EFTUD2: variants seen among roughly 807,000 people sequenced by gnomAD.
EFTUD2 encodes elongation factor Tu GTP binding domain containing 2.
EFTUD2 carries 9 observed loss-of-function variants against 114.3 expected under a neutral mutation model. The observed-to-expected ratio is 0.08, with a 90% confidence interval of 0.05 to 0.14. The LOEUF (loss-of-function observed/expected upper bound fraction) is 0.14. Ranked by LOEUF, EFTUD2 falls within the 10% of genes least tolerant of loss-of-function variation. EFTUD2 has a pLI of 1.00. For missense variants in EFTUD2, 765 were observed against 1,241.2 expected (o/e 0.62, Z 5.76); for synonymous variants, 449 against 462.3 (o/e 0.97, Z 0.37).
chr17:44,850,133 C>T lies in EFTUD2; in HGVS notation c.*1141G>A, dbSNP rs947540602. ...ATACACAATACATGTGAAAGTGTTT[C>T]GTGAACTGTCAGATAAGTGGTTTCC... On this transcript the variant is annotated 3_prime_UTR_variant, in exon 28 of 28. Transcript: ENST00000426333. 7 of 540,564 alleles carry T rather than the reference C, an allele frequency of 1.3e-5. No homozygotes were observed. Among genetic ancestry groups the T allele is most frequent in the Middle Eastern group, 5.0e-4 (1 of 1,992 alleles). 33.5% of individuals were successfully genotyped at this position (540,564 alleles called of 1,614,324 possible). A position where few individuals can be genotyped will look rare whatever the true frequency, so the allele number is the denominator to read the frequency against.
intron 12 of EFTUD2, 30 bp from the exon 13 acceptor site, chr17:44,867,927 C>CG (rs775621160): frequency 4.5e-6 from 7 of 1,547,772 alleles, no homozygotes; most frequent in African/African-American, 2.7e-5. Context: ...CTGAGTGACC[C>CG]AGGGGAAAAG....
chr17:44,885,348 A>G lies in EFTUD2; in HGVS notation c.272-14T>C, dbSNP rs1272223633. ...TAATAATGGGTTCTAGAAGAAAAAA[A>G]AAAGGTAGTGATGTGTAGGTGGGCA... On this transcript the variant is annotated splice_polypyrimidine_tract_variant and intron_variant, in intron 3 of 27. Transcript: ENST00000426333. 2 of 1,598,976 alleles carry G rather than the reference A, an allele frequency of 1.3e-6. No homozygotes were observed. The highest frequency in any genetic ancestry group is 8.6e-7 in the Non-Finnish European group (1 of 1,166,834).
At chr17:44,899,140 G>A (rs1396191038) in intron 1 of EFTUD2, 2 of 152,238 alleles carry the variant, frequency 1.3e-5, no homozygotes, top group Admixed American at 6.5e-5. Flanking sequence ...TGAGGCTATA[G>A]AGGCAGCCCC....
rs181925660 is a variant in EFTUD2, at chr17:44,852,323, T to C, written c.2715+86A>G. On this transcript the variant is annotated intron_variant, in intron 26 of 27. Coordinates refer to ENST00000426333, the MANE Select transcript of EFTUD2 (RefSeq NM_004247.4). ...TCTCCAGGATGCTGTACACCTCACTTAGGGCTTGGAGAGGGATCAGGACAG... is the reference window on the plus strand; with the variant it reads ...TCTCCAGGATGCTGTACACCTCACTCAGGGCTTGGAGAGGGATCAGGACAG... 8.4e-5 allele frequency: 130 copies of C among 1,553,770 alleles called. No individual in the cohort carries two copies. The African/African-American group carries it at 1.6e-3, about 20-fold the overall frequency.
At chr17:44,872,300 CA>C (rs2145502918) in intron 11 of EFTUD2, 145 bp downstream of exon 11, 3 of 1,088,484 alleles carry the variant, frequency 2.8e-6, no homozygotes, top group South Asian at 2.9e-5. Context: ...CTCAAGGCCA[CA>C]AAGACCCCCA....
intron 3 of EFTUD2, among the ~76,000 whole-genome samples, chr17:44,886,340 G>T (rs993465651): frequency 8.5e-5 from 13 of 152,304 alleles, no homozygotes; most frequent in South Asian, 8.3e-4. Flanking sequence ...TAAACTTAAC[G>T]ACAGTCTTCA....
At chr17:44,876,460 T>C (rs2050951017) in intron 9 of EFTUD2, among the ~76,000 whole-genome samples, 1 of 152,104 alleles carries the variant, frequency 6.6e-6, no homozygotes. Context: ...TAGTTATAGA[T>C]ATGTATGAGT....
Position 44,864,927 on chromosome 17 carries a change from T to A in EFTUD2, c.1285+3A>T. 6.2e-7 allele frequency: 1 copy of A among 1,614,114 alleles called. No homozygotes were observed. Among genetic ancestry groups the A allele is most frequent in the Non-Finnish European group, 8.5e-7 (1 of 1,180,006 alleles). ...AGTTAAGGGGCCACGAGCACATTAT[T>A]ACCTGTGAACTCGCCAAAGAACTTT... On this transcript the variant is annotated splice_donor_region_variant and intron_variant, in intron 14 of 27. Transcript: ENST00000426333.
chr17:44,859,105 T>G lies in EFTUD2; in HGVS notation c.1937A>C (p.Lys646Thr). 1.2e-6 allele frequency: 2 copies of G among 1,613,808 alleles called. No homozygotes were observed. Among genetic ancestry groups the G allele is most frequent in the Non-Finnish European group, 8.5e-7 (1 of 1,179,684 alleles). Reference protein sequence around the residue: ...YLDCVMHDLRKMYSEIDIKVA... With the variant: ...YLDCVMHDLRTMYSEIDIKVA... ...CTTGATGTCTATCTCTGAGTACATCTTCCGCAAATCATGCATCACACAGTC... is the reference window on the plus strand; with the variant it reads ...CTTGATGTCTATCTCTGAGTACATCGTCCGCAAATCATGCATCACACAGTC... Residue 646 changes from lysine (K) to threonine (T), a missense_variant, in exon 19 of 28, where the codon AAG (lysine) becomes ACG (threonine). Lys to Thr is a moderately conservative substitution (Grantham distance 78). Around this residue, in one of 6 missense-constraint regions of EFTUD2, gnomAD observed 149 missense variants for 245.1 expected, o/e 0.61. Coordinates refer to ENST00000426333, the MANE Select transcript of EFTUD2 (RefSeq NM_004247.4).
chr17:44,863,823 C>A (rs1318844890), intron 14 of EFTUD2, 41 bp from the exon 15 acceptor site: 1 of 1,607,916 alleles, frequency 6.2e-7, no homozygotes, highest in Non-Finnish European at 8.5e-7. Flanking sequence ...CATGCCTTCC[C>A]AGGGAGCACG....
Position 44,862,733 on chromosome 17 carries a change from G to A in EFTUD2, c.1587C>T (p.Arg529=), listed in dbSNP as rs1164006944. 6.2e-6 allele frequency: 10 copies of A among 1,613,730 alleles called. No individual in the cohort carries two copies. The highest frequency in any genetic ancestry group is 3.3e-5 in the South Asian group (3 of 91,046). ...EEDSQICTVG[R]LWISVARYHI... is the part of the protein sequence containing the mutation. ...AGTACCTGGCCACAGAGATCCAAAG[G>A]CGGCCCACGGTGCATATCTGGGAGT... is the stretch of plus-strand genomic sequence containing the variant. Residue 529 remains arginine (R), a synonymous_variant, in exon 16 of 28, where the codon CGC becomes CGT. Transcript: ENST00000426333.
intron 11 of EFTUD2, among the ~76,000 whole-genome samples, chr17:44,871,213 T>C (rs1230848312): frequency 6.6e-6 from 1 of 151,894 alleles, no homozygotes; most frequent in African/African-American, 2.4e-5. Flanking sequence ...TTTGTAGAGA[T>C]GGGGTTTCGC....
At chr17:44,875,803 T>G (rs1413315298) in intron 10 of EFTUD2, 131 bp downstream of exon 10, 4 of 1,066,334 alleles carry the variant, frequency 3.8e-6, no homozygotes, top group Non-Finnish European at 5.5e-6. Flanking sequence ...AGTCCCAGGA[T>G]GTGCCTCTAG....
chr17:44,851,447 C>A lies in EFTUD2; in HGVS notation c.2824-78G>T. On this transcript the variant is annotated intron_variant, in intron 27 of 27. Coordinates refer to ENST00000426333, the MANE Select transcript of EFTUD2 (RefSeq NM_004247.4). ...AAGGAGACTATCCAAGACCTGTGTT[C>A]AGTGGGGAGGCTAGTGGTGGCTGGA... The A allele has an allele frequency of 2.4e-6, 3 of 1,235,572 alleles. No individual in the cohort carries two copies. In the South Asian group the frequency reaches 3.6e-5, roughly 15 times the overall value. 76.5% of individuals were successfully genotyped at this position (1,235,572 alleles called of 1,614,324 possible).
chr17:44,879,769 C>A, intron 8 of EFTUD2, 131 bp from the exon 9 acceptor site: 1 of 839,758 alleles, frequency 1.2e-6, no homozygotes, highest in Admixed American at 2.1e-5. Flanking sequence ...GCCATAACCC[C>A]CCACAGGGTA....
intron 12 of EFTUD2, 51 bp downstream of exon 12, chr17:44,868,236 A>C: frequency 2.0e-6 from 3 of 1,519,222 alleles, no homozygotes; most frequent in Non-Finnish European, 2.7e-6. Context: ...GTCCTCACTT[A>C]CTGGGTAAAT....
chr17:44,868,434 C>A, intron 11 of EFTUD2, 84 bp from the exon 12 acceptor site: 1 of 1,338,468 alleles, frequency 7.5e-7, no homozygotes, highest in East Asian at 2.4e-5. Context: ...TGGTTCATAG[C>A]TGAGAACTTC....
chr17:44,859,271 T>C, intron 18 of EFTUD2, 90 bp from the exon 19 acceptor site: 2 of 915,786 alleles, frequency 2.2e-6, no homozygotes, highest in South Asian at 2.7e-5. Flanking sequence ...GACAAGAAGT[T>C]GCCTATCAGA....
At chr17:44,893,808 A>G (rs1363780433) in intron 2 of EFTUD2, among the ~76,000 whole-genome samples, 2 of 149,446 alleles carry the variant, frequency 1.3e-5, no homozygotes, top group South Asian at 2.1e-4. Flanking sequence ...GCTCATGCCT[A>G]TAATCCCAGC....
Sources: gnomAD v4.1 joint callset for allele counts (sites outside exome capture counted in the v4.1 genomes callset) on GRCh38, gnomAD v4.1.1 for gene constraint, gnomAD v4.1.1 regional missense constraint, MANE v1.5 for transcripts, NCBI Gene and HGNC (gene_info 2026-07-23, HGNC 2026-07-21) for gene names.